TMEM132D: variants seen among roughly 807,000 people sequenced by gnomAD.
The protein encoded by TMEM132D is transmembrane protein 132D.
A neutral mutation model predicts 62.3 loss-of-function variants in TMEM132D; 21 were observed. The ratio of observed to expected loss-of-function variants is 0.34; its 90% CI spans 0.24 to 0.49. The LOEUF (loss-of-function observed/expected upper bound fraction) is 0.49. Ranked by LOEUF, TMEM132D falls within the 20% of genes least tolerant of loss-of-function variation. The probability of loss-of-function intolerance (pLI) is 0.99; values close to 1 mark genes in which losing one functional copy is unlikely to be tolerated. For missense variants in TMEM132D, 1,346 were observed against 1,402.8 expected (o/e 0.96, Z 0.65); for synonymous variants, 621 against 575.6 (o/e 1.08, Z -1.13).
At chr12:129,307,019 T>G (rs1057486749) in intron 4 of TMEM132D, among the ~76,000 whole-genome samples, 2 of 152,076 alleles carry the variant, frequency 1.3e-5, no homozygotes, top group African/African-American at 2.4e-5. Context: ...GCCTCAAATA[T>G]TTTAAGATTT....
chr12:129,889,543 G>A (rs966385416), intron 1 of TMEM132D, among the ~76,000 whole-genome samples: 8 of 152,126 alleles, frequency 5.3e-5, no homozygotes, highest in Non-Finnish European at 1.2e-4. Context: ...GGCAATTTGA[G>A]AATTTCCTCT....
chr12:129,079,610 G>A (rs145794731), intron 7 of TMEM132D, among the ~76,000 whole-genome samples: 2 of 152,060 alleles, frequency 1.3e-5, no homozygotes, highest in African/African-American at 4.8e-5. Flanking sequence ...CTGCTTTCTC[G>A]ACCTCTTTCT....
At chr12:129,520,770 T>C (rs1566096522) in intron 3 of TMEM132D, among the ~76,000 whole-genome samples, 1 of 152,164 alleles carries the variant, frequency 6.6e-6, no homozygotes, top group Admixed American at 6.6e-5. Context: ...AATCCAATCA[T>C]CCTCTCCCAT....
At chr12:129,505,600 T>C (rs1197363145) in intron 3 of TMEM132D, among the ~76,000 whole-genome samples, 2 of 152,154 alleles carry the variant, frequency 1.3e-5, no homozygotes, top group Non-Finnish European at 2.9e-5. Context: ...TCTTGACCTG[T>C]CTAGTGCTGT....
intron 5 of TMEM132D, among the ~76,000 whole-genome samples, chr12:129,087,121 C>T (rs924271374): frequency 5.9e-5 from 9 of 152,034 alleles, no homozygotes; most frequent in African/African-American, 2.2e-4. Context: ...TATCTTTGAC[C>T]ATCCTCTCTC....
chr12:129,238,049 C>T (rs1031404919), intron 4 of TMEM132D, among the ~76,000 whole-genome samples: 1 of 152,116 alleles, frequency 6.6e-6, no homozygotes, highest in Non-Finnish European at 1.5e-5. Context: ...TCACTTCTGG[C>T]TGATAAAGGG....
intron 2 of TMEM132D, among the ~76,000 whole-genome samples, chr12:129,691,471 C>T (rs1245534765): frequency 6.6e-6 from 1 of 151,826 alleles, no homozygotes; most frequent in Non-Finnish European, 1.5e-5. Flanking sequence ...ACAAAAATTA[C>T]CAATAACAAA....
rs1555244930 is a variant in TMEM132D at position 129,289,561 on chromosome 12, A to AG, written c.1299+48072_1299+48073insC. On this transcript the variant is annotated intron_variant, in intron 4 of 8. Coordinates refer to ENST00000422113, the MANE Select transcript of TMEM132D (RefSeq NM_133448.3). The stretch of plus-strand genomic sequence containing the variant: ...TTCCATCTCAATAAAAAAAAAAAAA[A>AG]AAAGAAAAAAAAGAAAAAGAAAAGG... Among the ~76,000 whole-genome samples, 550 of 148,762 alleles carry AG rather than the reference A, an allele frequency of 3.7e-3. 6 individuals are homozygous for AG. The highest frequency in any genetic ancestry group is 0.012 in the African/African-American group (489 of 40,650).
intron 3 of TMEM132D, among the ~76,000 whole-genome samples, chr12:129,353,328 T>TA (rs1869930579): frequency 6.6e-6 from 1 of 152,106 alleles, no homozygotes. Context: ...AAGGAAAATT[T>TA]AAAAAACATG....
At position 129,868,150 on chromosome 12, in the gene TMEM132D, T is replaced by C. The variant is rs181140786; in HGVS notation, c.79+35111A>G. Reference sequence around the variant, plus strand: ...CATGTGACAGCATTTCTATGGTACATACATGAGGCAGTGTTTCCATGGTAC... The same window carrying C: ...CATGTGACAGCATTTCTATGGTACACACATGAGGCAGTGTTTCCATGGTAC... On this transcript the variant is annotated intron_variant, in intron 1 of 8. Coordinates refer to ENST00000422113, the MANE Select transcript of TMEM132D (RefSeq NM_133448.3). 1.7e-3 allele frequency among the ~76,000 whole-genome samples: 259 copies of C among 149,790 alleles called. 2 individuals carry two copies. The highest frequency in any genetic ancestry group is 5.8e-3 in the African/African-American group (240 of 41,116).
chr12:129,207,548 A>C (rs1446069302), intron 5 of TMEM132D, among the ~76,000 whole-genome samples: 2 of 152,274 alleles, frequency 1.3e-5, no homozygotes, highest in South Asian at 4.1e-4. Context: ...CCGTACAGGC[A>C]TCCAGGGAAA....
chr12:129,827,043 T>C lies in TMEM132D; in HGVS notation c.79+76218A>G, dbSNP rs182484026. On this transcript the variant is annotated intron_variant, in intron 1 of 8. Transcript: ENST00000422113. This position sits in a 1 kb window ranked among gnomAD's most constrained non-coding sequence, Gnocchi z 9.7. ...TTCTAAAAATTACACCATAATGAAA[T>C]ATGCAAAATACTAAATTATGAATTG... Among the ~76,000 whole-genome samples the C allele has an allele frequency of 6.6e-6, 1 of 152,288 alleles. No homozygotes were observed.
intron 3 of TMEM132D, among the ~76,000 whole-genome samples, chr12:129,363,922 A>T (rs1451471791): frequency 6.6e-6 from 1 of 152,266 alleles, no homozygotes; most frequent in Non-Finnish European, 1.5e-5. Context: ...GATTTGATCA[A>T]GAAGTTTGCT....
intron 3 of TMEM132D, 47 bp downstream of exon 3, chr12:129,531,012 C>G (rs755395795): frequency 7.0e-7 from 1 of 1,420,258 alleles, no homozygotes; most frequent in Admixed American, 2.3e-5. Flanking sequence ...AAAATCAGGC[C>G]ACATTTGCAG....
At chr12:129,879,921 G>A (rs1045443247) in intron 1 of TMEM132D, among the ~76,000 whole-genome samples, 7 of 152,132 alleles carry the variant, frequency 4.6e-5, no homozygotes, top group Admixed American at 3.3e-4. Flanking sequence ...ATTCCAACAG[G>A]AGGGGAGAGG....
intron 1 of TMEM132D, among the ~76,000 whole-genome samples, chr12:129,781,564 G>A (rs919341904): frequency 3.3e-5 from 5 of 152,150 alleles, no homozygotes; most frequent in Admixed American, 6.5e-5. Flanking sequence ...TCCTGGCCTA[G>A]TAGGGTAGTT....
In TMEM132D at chr12:129,078,528, C is replaced by G. The variant is rs1287011773; in HGVS notation, c.2115+6G>C. On this transcript the variant is annotated splice_donor_region_variant and intron_variant, in intron 8 of 8. Transcript: ENST00000422113. The stretch of plus-strand genomic sequence containing the variant: ...GCTGAAGTGTGTCTCAAGCCCTCCT[C>G]CATACCTGTTTTGGCCTCTGCAGAA... The G allele has an allele frequency of 6.2e-7, 1 of 1,612,322 alleles. No individual in the cohort carries two copies. Among genetic ancestry groups the G allele is most frequent in the African/African-American group, 1.3e-5 (1 of 75,006 alleles).
At chr12:129,568,459 T>C (rs758706606) in intron 2 of TMEM132D, among the ~76,000 whole-genome samples, 21 of 152,176 alleles carry the variant, frequency 1.4e-4, no homozygotes, top group Non-Finnish European at 2.6e-4. Flanking sequence ...ATGACACAAT[T>C]TTCTGTCTGA....
chr12:129,875,423 G>A (rs1874386096), intron 1 of TMEM132D, among the ~76,000 whole-genome samples: 1 of 152,230 alleles, frequency 6.6e-6, no homozygotes, highest in Non-Finnish European at 1.5e-5. Flanking sequence ...CGAGACCATG[G>A]TGCCAGCGTG....
Sources: gnomAD v4.1 joint callset for allele counts (sites outside exome capture counted in the v4.1 genomes callset) on GRCh38, gnomAD v4.1.1 for gene constraint, Gnocchi (gnomAD v3.1) non-coding constraint, MANE v1.5 for transcripts, NCBI Gene and HGNC (gene_info 2026-07-23, HGNC 2026-07-21) for gene names.